Variants in CAMKMT observed in about 807,000 individuals in gnomAD.
The protein encoded by CAMKMT is CaM KMT.
CAMKMT carries 53 observed loss-of-function variants against 48.0 expected under a neutral mutation model. The ratio of observed to expected loss-of-function variants is 1.10; its 90% CI spans 0.89 to 1.39. CAMKMT has a LOEUF of 1.39. Ranked by LOEUF, CAMKMT falls within the 40% of genes most tolerant of loss-of-function variation. The pLI is 0.00. For synonymous variants in CAMKMT, 165 were observed against 152.3 expected, an observed-to-expected ratio of 1.08 and a Z score of -0.61; for missense variants, 428 against 402.7, an observed-to-expected ratio of 1.06 and a Z score of -0.54.
chr2:44,367,446 C>G (rs1321233065), intron 1 of CAMKMT, among the ~76,000 whole-genome samples: 8 of 152,114 alleles, frequency 5.3e-5, no homozygotes, highest in Non-Finnish European at 1.2e-4. Context: ...ATATAAATTG[C>G]CTTCAGGCTA....
intron 3 of CAMKMT, among the ~76,000 whole-genome samples, chr2:44,447,433 A>C (rs1313113069): frequency 6.6e-6 from 1 of 152,236 alleles, no homozygotes; most frequent in Non-Finnish European, 1.5e-5. Context: ...TTTAATTGCC[A>C]TGTTGATATA....
At chr2:44,651,490 C>A (rs1282469344) in intron 3 of CAMKMT, among the ~76,000 whole-genome samples, 1 of 152,134 alleles carries the variant, frequency 6.6e-6, no homozygotes, top group Non-Finnish European at 1.5e-5. Flanking sequence ...TTAAGACCAG[C>A]CTGGCCAACG....
intron 3 of CAMKMT, among the ~76,000 whole-genome samples, chr2:44,568,548 T>A (rs1668731854): frequency 6.6e-6 from 1 of 152,132 alleles, no homozygotes; most frequent in Admixed American, 6.5e-5. Context: ...GGACTGGATA[T>A]GTCACATAAG....
At chr2:44,535,898 G>A (rs1217878007) in intron 3 of CAMKMT, among the ~76,000 whole-genome samples, 2 of 152,138 alleles carry the variant, frequency 1.3e-5, no homozygotes, top group African/African-American at 4.8e-5. Context: ...AGAATTAAAA[G>A]CATCCAGATT....
intron 4 of CAMKMT, among the ~76,000 whole-genome samples, chr2:44,704,681 CA>C (rs1325192887): frequency 0.22 from 18,223 of 81,306 alleles, 1,034 homozygotes; most frequent in South Asian, 0.29. Context: ...TTGTGAAGGT[CA>C]AAAAAAAAAA....
In CAMKMT at chr2:44,572,808, A is replaced by G. The variant is rs117305740; in HGVS notation, c.377-131475A>G. Among the ~76,000 whole-genome samples, 388 of 152,322 alleles carry G rather than the reference A, an allele frequency of 2.5e-3. 9 individuals carry two copies. The East Asian group carries it at 0.047, about 19-fold the overall frequency. Reference sequence around the variant, plus strand: ...TTTGGGGTCTATCTCTGGAAGTGGAATTGCTGGATCATATGGTAATTTTAT... The same window carrying G: ...TTTGGGGTCTATCTCTGGAAGTGGAGTTGCTGGATCATATGGTAATTTTAT... On this transcript the variant is annotated intron_variant, in intron 3 of 10. Coordinates refer to ENST00000378494, the MANE Select transcript of CAMKMT (RefSeq NM_024766.5).
chr2:44,755,114 C>G (rs1183456040), intron 9 of CAMKMT, among the ~76,000 whole-genome samples: 1 of 152,134 alleles, frequency 6.6e-6, no homozygotes, highest in Non-Finnish European at 1.5e-5. Flanking sequence ...TGATAATCAT[C>G]CTTTGCCATA....
chr2:44,609,974 A>G (rs1290238830), intron 3 of CAMKMT, among the ~76,000 whole-genome samples: 1 of 152,236 alleles, frequency 6.6e-6, no homozygotes, highest in East Asian at 1.9e-4. Flanking sequence ...AAGTTGTAAT[A>G]TACCTAGTTG....
At chr2:44,769,932 G>A (rs114718448) in intron 10 of CAMKMT, among the ~76,000 whole-genome samples, 15 of 152,296 alleles carry the variant, frequency 9.8e-5, no homozygotes, top group African/African-American at 3.4e-4. Context: ...AAGGCTGAGC[G>A]TGTTACATCC....
intron 3 of CAMKMT, among the ~76,000 whole-genome samples, chr2:44,478,764 G>T (rs376474458): frequency 6.8e-6 from 1 of 147,186 alleles, no homozygotes; most frequent in Admixed American, 6.9e-5. Context: ...GCAGTGGCAC[G>T]ATCTCGGCTC....
intron 2 of CAMKMT, 92 bp from the exon 3 acceptor site, chr2:44,390,149 A>G: frequency 1.2e-6 from 1 of 859,246 alleles, no homozygotes; most frequent in Non-Finnish European, 1.9e-6. Flanking sequence ...TATTGGGTAT[A>G]CCATAATATA....
intron 3 of CAMKMT, among the ~76,000 whole-genome samples, chr2:44,445,082 TC>T (rs1666900547): frequency 6.6e-6 from 1 of 152,164 alleles, no homozygotes. Context: ...AAGCCAAGCC[TC>T]CCATTTCATG....
intron 8 of CAMKMT, 123 bp downstream of exon 8, chr2:44,743,819 C>G (rs978165724): frequency 1.6e-6 from 1 of 645,104 alleles, no homozygotes; most frequent in South Asian, 2.0e-5. Context: ...CCACCTTAAC[C>G]TCAACAAATT....
At position 44,539,383 on chromosome 2, in the gene CAMKMT, G is replaced by A. The variant is rs141675355; in HGVS notation, c.376+149078G>A. 1.9e-3 allele frequency among the ~76,000 whole-genome samples: 284 copies of A among 151,236 alleles called. 1 individual carries two copies. In the Middle Eastern group the frequency reaches 0.028, roughly 15 times the overall value. ...TATTGTTTTTCTGAACCATTTGCAA[G>A]TAAGTTGCAGACATGATATCCCTTT... On this transcript the variant is annotated intron_variant, in intron 3 of 10. Coordinates refer to ENST00000378494, the MANE Select transcript of CAMKMT (RefSeq NM_024766.5).
intron 3 of CAMKMT, among the ~76,000 whole-genome samples, chr2:44,443,594 T>C (rs1572888101): frequency 6.6e-6 from 1 of 152,182 alleles, no homozygotes; most frequent in Admixed American, 6.5e-5. Context: ...CTTTGTAGTT[T>C]AACAGGTTTA....
At chr2:44,706,748 C>T (rs766767145) in intron 5 of CAMKMT, among the ~76,000 whole-genome samples, 1 of 151,804 alleles carries the variant, frequency 6.6e-6, no homozygotes, top group Non-Finnish European at 1.5e-5. Context: ...TGATCCAGAG[C>T]GCTCAGTAAT....
chr2:44,598,416 C>G (rs908913136), intron 3 of CAMKMT, among the ~76,000 whole-genome samples: 1 of 151,860 alleles, frequency 6.6e-6, no homozygotes, highest in African/African-American at 2.4e-5. Context: ...TTCCAGTTTT[C>G]TCGTGGAATT....
At chr2:44,577,030 T>G (rs1669262078) in intron 3 of CAMKMT, among the ~76,000 whole-genome samples, 1 of 152,194 alleles carries the variant, frequency 6.6e-6, no homozygotes, top group Admixed American at 6.5e-5. Flanking sequence ...AAGATGTGTG[T>G]TTTTCAAATC....
chr2:44,409,610 G>A (rs1268573447), intron 3 of CAMKMT, among the ~76,000 whole-genome samples: 1 of 152,066 alleles, frequency 6.6e-6, no homozygotes, highest in African/African-American at 2.4e-5. Flanking sequence ...GGCAGATTTG[G>A]ATGGCTAAAT....
Sources: gnomAD v4.1 joint callset for allele counts (sites outside exome capture counted in the v4.1 genomes callset) on GRCh38, gnomAD v4.1.1 for gene constraint, MANE v1.5 for transcripts, NCBI Gene and HGNC (gene_info 2026-07-23, HGNC 2026-07-21) for gene names.